The following NOS1 variants were observed in gnomAD, a reference collection of about 807,000 sequenced individuals.
The protein encoded by NOS1 is nitric oxide synthase 1.
Under a neutral mutation model 164.5 loss-of-function variants are expected in NOS1, and 51 were observed. That is an observed-to-expected ratio of 0.31 (90% CI 0.25 to 0.39). NOS1 has a LOEUF of 0.39. Ranked by LOEUF, NOS1 falls within the 10% of genes least tolerant of loss-of-function variation. NOS1 has a pLI of 1.00. For synonymous variants in NOS1, 719 were observed against 745.8 expected (o/e 0.96, Z 0.59); for missense variants, 1,362 against 1,885.6 (o/e 0.72, Z 5.14).
intron 24 of NOS1, among the ~76,000 whole-genome samples, chr12:117,226,396 G>T (rs1215722487): frequency 6.6e-6 from 1 of 152,164 alleles, no homozygotes; most frequent in Admixed American, 6.5e-5. Flanking sequence ...TGAAGGTGGA[G>T]ACTGTATTTG....
chr12:117,346,569 G>A (rs150243283), intron 1 of NOS1, among the ~76,000 whole-genome samples: 3 of 152,278 alleles, frequency 2.0e-5, no homozygotes, highest in African/African-American at 7.2e-5. Context: ...GATGAACATG[G>A]TCTAATGCTT....
intron 2 of NOS1, among the ~76,000 whole-genome samples, chr12:117,318,105 G>T (rs1257985996): frequency 2.0e-5 from 3 of 152,196 alleles, no homozygotes; most frequent in Non-Finnish European, 4.4e-5. Context: ...CCAGGAGTTT[G>T]AGACTGCAGT....
chr12:117,310,948 T>C (rs1484771727), intron 3 of NOS1, among the ~76,000 whole-genome samples: 2 of 152,058 alleles, frequency 1.3e-5, no homozygotes, highest in Admixed American at 6.6e-5. Context: ...TCACTGCAAG[T>C]TCCGCCTCCC....
chr12:117,237,137 A>G (rs958330190), intron 20 of NOS1, among the ~76,000 whole-genome samples: 4 of 152,108 alleles, frequency 2.6e-5, no homozygotes, highest in Non-Finnish European at 5.9e-5. Context: ...TTGTAAGTAG[A>G]GAATTTTTAG....
At chr12:117,271,165 C>T (rs963212817) in intron 10 of NOS1, among the ~76,000 whole-genome samples, 1 of 152,302 alleles carries the variant, frequency 6.6e-6, no homozygotes, top group African/African-American at 2.4e-5. Flanking sequence ...AGACCTATGA[C>T]ATCAGAACCC....
chr12:117,285,705 C>T (rs984070769), intron 6 of NOS1, among the ~76,000 whole-genome samples: 1 of 152,078 alleles, frequency 6.6e-6, no homozygotes, highest in Admixed American at 6.5e-5. Context: ...ATCTTGATAA[C>T]AAATCTACTT....
chr12:117,224,990 C>A lies in NOS1; in HGVS notation c.3826+26G>T, dbSNP rs757952482. On this transcript the variant is annotated intron_variant, in intron 25 of 28. Coordinates refer to ENST00000317775, the MANE Select transcript of NOS1 (RefSeq NM_000620.5). ...CCTCCCCAGGTCCGGGGGTGGGAAC[C>A]AAGTGGCCACTGGACTGTAACCCAC... 5.0e-6 allele frequency: 8 copies of A among 1,613,810 alleles called. No homozygotes were observed. In the East Asian group the frequency reaches 1.3e-4, roughly 27 times the overall value.
chr12:117,235,957 C>T (rs925010054), intron 20 of NOS1, among the ~76,000 whole-genome samples: 2 of 152,142 alleles, frequency 1.3e-5, no homozygotes, highest in Admixed American at 6.5e-5. Flanking sequence ...GCGGGAGAAT[C>T]GCTTGAACCC....
Position 117,251,188 on chromosome 12 carries a change from C to T in NOS1, c.2648+2450G>A, listed in dbSNP as rs191791160. Among the ~76,000 whole-genome samples the T allele has an allele frequency of 3.3e-5, 5 of 152,272 alleles. No homozygotes were observed. The South Asian group carries it at 6.2e-4, about 19-fold the overall frequency. ...ACCGTCTATGAGCCAGAGAGAGGGC[C>T]CTCACCAGACACTGAATCTGCTGGC... On this transcript the variant is annotated intron_variant, in intron 17 of 28. Transcript: ENST00000317775.
At chr12:117,251,308 CA>C (rs1871084227) in intron 17 of NOS1, among the ~76,000 whole-genome samples, 1 of 152,030 alleles carries the variant, frequency 6.6e-6, no homozygotes, top group South Asian at 2.1e-4. Flanking sequence ...ATAGTAGCCC[CA>C]ATGGACCAAG....
intron 7 of NOS1, among the ~76,000 whole-genome samples, chr12:117,282,708 G>A (rs1043754558): frequency 6.6e-6 from 1 of 152,182 alleles, no homozygotes; most frequent in Admixed American, 6.5e-5. Context: ...CTTAACAGAG[G>A]CGCCATCTTG....
At chr12:117,340,871 CTATTTT>C (rs1475543958) in intron 1 of NOS1, among the ~76,000 whole-genome samples, 80 of 96,428 alleles carry the variant, frequency 8.3e-4, no homozygotes, top group Non-Finnish European at 1.2e-3. Context: ...TCACACCTGG[CTATTTT>C]TTTTTTTTTT....
chr12:117,352,278 G>A (rs1051788663), intron 1 of NOS1, among the ~76,000 whole-genome samples: 2 of 152,148 alleles, frequency 1.3e-5, no homozygotes, highest in South Asian at 2.1e-4. Context: ...GGCAAGAGGC[G>A]TGGGCCTGGG....
chr12:117,247,087 C>T (rs927060203), intron 18 of NOS1, among the ~76,000 whole-genome samples: 1 of 152,132 alleles, frequency 6.6e-6, no homozygotes, highest in East Asian at 1.9e-4. Context: ...CCTCCCAGCC[C>T]TGACATTCCA....
intron 3 of NOS1, chr12:117,301,935 G>T: frequency 4.5e-6 from 2 of 449,060 alleles, no homozygotes; most frequent in Admixed American, 4.9e-5. Flanking sequence ...AACATTTGTT[G>T]AGCATTTATT....
At position 117,263,947 on chromosome 12, in the gene NOS1, T is replaced by C. The variant is rs1309201391; in HGVS notation, c.2164A>G (p.Lys722Glu). Residue 722 changes from lysine (K) to glutamate (E), a missense_variant, in exon 13 of 29, where the codon AAA (lysine) becomes GAA (glutamate). Physicochemically the swap from Lys to Glu is moderately conservative, Grantham distance 56. Around this residue, in one of 4 missense-constraint regions of NOS1, gnomAD observed 737 missense variants for 1,030.3 expected, o/e 0.72. Transcript: ENST00000317775. ...QPDPWNTHVW[K>E]GTNGTPTKRR... ...TTTGTGGGGGTCCCGTTGGTGCCTTTCCAGACATGCGTGTTCCAGGGATCA... is the reference window on the plus strand; with the variant it reads ...TTTGTGGGGGTCCCGTTGGTGCCTTCCCAGACATGCGTGTTCCAGGGATCA... 6.2e-7 allele frequency: 1 copy of C among 1,613,834 alleles called. No individual in the cohort carries two copies.
chr12:117,346,029 G>A (rs190776238), intron 1 of NOS1, among the ~76,000 whole-genome samples: 20 of 152,376 alleles, frequency 1.3e-4, no homozygotes, highest in Middle Eastern at 3.4e-3. Flanking sequence ...GGCCCATGCC[G>A]TGTTTGGAGA....
In NOS1 at chr12:117,208,160, A is replaced by T; in HGVS notation, c.*7149T>A. 1.2e-6 allele frequency: 1 copy of T among 812,652 alleles called. No individual in the cohort carries two copies. The highest frequency in any genetic ancestry group is 1.7e-6 in the Non-Finnish European group (1 of 595,266). The allele number at this position is 812,652 out of a possible 1,614,324, so 50.3% of individuals were successfully genotyped here. ...AGCCAAGTTGAATCCACTTTTTAAT[A>T]TTGTAACCATAATGCAAACAAGCAT... On this transcript the variant is annotated 3_prime_UTR_variant, in exon 29 of 29. Coordinates refer to ENST00000317775, the MANE Select transcript of NOS1 (RefSeq NM_000620.5).
intron 1 of NOS1, among the ~76,000 whole-genome samples, chr12:117,361,245 C>G (rs977446094): frequency 1.3e-5 from 2 of 151,420 alleles, no homozygotes; most frequent in Non-Finnish European, 2.9e-5. Context: ...GGTTCTGAAT[C>G]CTCCGAGTCC....
Sources: gnomAD v4.1 joint callset for allele counts (sites outside exome capture counted in the v4.1 genomes callset) on GRCh38, gnomAD v4.1.1 for gene constraint, gnomAD v4.1.1 regional missense constraint, MANE v1.5 for transcripts, NCBI Gene and HGNC (gene_info 2026-07-23, HGNC 2026-07-21) for gene names.